TMPRSS7: variants seen among roughly 807,000 people sequenced by gnomAD.
The protein encoded by TMPRSS7 is transmembrane protease serine 7.
In TMPRSS7, 81 loss-of-function variants were observed where a neutral mutation model predicts 95.6. The observed-to-expected ratio is 0.85, with a 90% CI of 0.71 to 1.02. TMPRSS7 has a LOEUF of 1.02. TMPRSS7 is among the 50% of genes least tolerant of loss of function. The probability of loss-of-function intolerance (pLI) is 0.00; values close to 1 mark genes in which losing one functional copy is unlikely to be tolerated. For missense variants in TMPRSS7, 945 were observed against 955.2 expected, an observed-to-expected ratio of 0.99 and a Z score of 0.14; for synonymous variants, 364 against 337.8, an observed-to-expected ratio of 1.08 and a Z score of -0.85.
chr3:112,070,060 T>C (rs1455722341), intron 13 of TMPRSS7, among the ~76,000 whole-genome samples: 2 of 152,238 alleles, frequency 1.3e-5, no homozygotes, highest in Admixed American at 6.5e-5. Context: ...AGAACATCTT[T>C]ATTTCTGCCT....
exon 7 of TMPRSS7, chr3:112,047,791 G>T (rs1321688221): frequency 5.0e-6 from 8 of 1,614,000 alleles, no homozygotes; most frequent in Non-Finnish European, 6.8e-6. Context: ...TCCACTACCC[G>T]CTGGAGATTT....
chr3:112,048,438 C>A lies in TMPRSS7; in HGVS notation c.959+471C>A, dbSNP rs570622748. 6.6e-5 allele frequency among the ~76,000 whole-genome samples: 10 copies of A among 152,214 alleles called. No individual in the cohort carries two copies. In the East Asian group the frequency reaches 7.7e-4, roughly 12 times the overall value. Reference sequence around the variant, plus strand: ...TACTTCACAACCTCATTATTCAGAGCAAATTTCTGTTATATTTTAGCATAA... The same window carrying A: ...TACTTCACAACCTCATTATTCAGAGAAAATTTCTGTTATATTTTAGCATAA... On this transcript the variant is annotated intron_variant, in intron 7 of 17. Coordinates refer to ENST00000452346, the Ensembl canonical transcript of TMPRSS7.
intron 13 of TMPRSS7, among the ~76,000 whole-genome samples, chr3:112,072,427 G>T (rs2073660758): frequency 1.3e-5 from 2 of 152,224 alleles, no homozygotes; most frequent in Non-Finnish European, 2.9e-5. Context: ...CAGGGGTCAG[G>T]GACCCACTTG....
intron 16 of TMPRSS7, among the ~76,000 whole-genome samples, chr3:112,078,420 G>A (rs1237495310): frequency 1.3e-5 from 2 of 152,172 alleles, no homozygotes; most frequent in East Asian, 1.9e-4. Context: ...GTAGATATTA[G>A]TAATAACTGT....
intron 4 of TMPRSS7, among the ~76,000 whole-genome samples, chr3:112,044,727 C>A (rs562786574): frequency 6.0e-4 from 92 of 152,208 alleles, no homozygotes; most frequent in African/African-American, 2.0e-3. Context: ...TAGAAAAAAT[C>A]GTGCACCATA....
intron 11 of TMPRSS7, 127 bp downstream of exon 11, chr3:112,062,050 T>C: frequency 2.2e-6 from 1 of 457,126 alleles, no homozygotes; most frequent in South Asian, 1.1e-4. Context: ...TTTACATACT[T>C]ATTTCTATAA....
exon 16 of TMPRSS7, chr3:112,076,907 C>G: frequency 6.2e-7 from 1 of 1,614,098 alleles, no homozygotes; most frequent in Non-Finnish European, 8.5e-7. Flanking sequence ...GACTGCACAC[C>G]TCGGGATGTA....
At position 112,064,682 on chromosome 3, in the gene TMPRSS7, G is replaced by T. The variant is rs114547839; in HGVS notation, c.1555+1050G>T. Among the ~76,000 whole-genome samples, 478 of 152,230 alleles carry T rather than the reference G, an allele frequency of 3.1e-3. 5 individuals are homozygous for T. The highest frequency in any genetic ancestry group is 0.011 in the African/African-American group (465 of 41,548). ...CCAGCCCCATAAAAGAAAAAGTTTTGTTGTTATTTTTCTAACCTGTACAAT... is the reference window on the plus strand; with the variant it reads ...CCAGCCCCATAAAAGAAAAAGTTTTTTTGTTATTTTTCTAACCTGTACAAT... On this transcript the variant is annotated intron_variant, in intron 12 of 17. Coordinates refer to ENST00000452346, the Ensembl canonical transcript of TMPRSS7.
At chr3:112,077,206 G>C (rs768213637) in intron 16 of TMPRSS7, 62 bp downstream of exon 16, 32 of 1,552,908 alleles carry the variant, frequency 2.1e-5, no homozygotes, top group Non-Finnish European at 2.6e-5. Context: ...TGTTTATGTA[G>C]TGCTTTAGGG....
chr3:112,056,361 T>C (rs1559957536), intron 9 of TMPRSS7, among the ~76,000 whole-genome samples: 1 of 152,210 alleles, frequency 6.6e-6, no homozygotes, highest in African/African-American at 2.4e-5. Flanking sequence ...AAAAATTCCT[T>C]AAATAATTCC....
chr3:112,053,647 A>G (rs569365848), intron 9 of TMPRSS7, among the ~76,000 whole-genome samples: 53 of 152,212 alleles, frequency 3.5e-4, no homozygotes, highest in African/African-American at 1.3e-3. Context: ...GCCCTTCAAA[A>G]CACACCTCTA....
chr3:112,048,478 G>T (rs1356370443), intron 7 of TMPRSS7, among the ~76,000 whole-genome samples: 2 of 152,116 alleles, frequency 1.3e-5, no homozygotes, highest in Non-Finnish European at 2.9e-5. Flanking sequence ...TTTCATTCAT[G>T]TATGTGTAAT....
intron 9 of TMPRSS7, among the ~76,000 whole-genome samples, chr3:112,054,729 CTTTTTTTTT>C (rs1161735611): frequency 2.7e-4 from 13 of 49,024 alleles, no homozygotes; most frequent in East Asian, 2.6e-3. Context: ...TCTCAGTTTG[CTTTTTTTTT>C]TTTTTTTTTT....
At chr3:112,066,406 G>A (rs752251057) in exon 13 of TMPRSS7, 21 of 1,613,866 alleles carry the variant, frequency 1.3e-5, no homozygotes, top group Non-Finnish European at 1.8e-5. Context: ...CCCTCAACCT[G>A]CCTGCAATAC....
chr3:112,034,803 G>T (rs2073140171), upstream of TMPRSS7: 8 of 701,852 alleles, frequency 1.1e-5, no homozygotes. Context: ...GCAAAAACTG[G>T]CTTTGAGACA....
rs760243561 is a variant in TMPRSS7, at chr3:112,077,144, GGT to G, written c.2224+7_2224+8del. The G allele has an allele frequency of 2.5e-6, 4 of 1,613,670 alleles. No individual in the cohort carries two copies. In the East Asian group the frequency reaches 8.9e-5, roughly 36 times the overall value. ...TGGCTGGGGGCGAAGACACGAAGCA[GGT>G]GTGTGTATGAATGAATGGTCATGCC... On this transcript the variant is annotated splice_donor_variant, in intron 16 of 17. Transcript: ENST00000452346. LOFTEE classifies it high-confidence loss of function.
At chr3:112,056,101 G>T (rs914891722) in intron 9 of TMPRSS7, among the ~76,000 whole-genome samples, 1 of 152,128 alleles carries the variant, frequency 6.6e-6, no homozygotes, top group Non-Finnish European at 1.5e-5. Flanking sequence ...GGAATTTTAA[G>T]TCTCTTCATT....
chr3:112,053,068 T>A (rs1250905869), intron 9 of TMPRSS7, among the ~76,000 whole-genome samples: 1 of 152,082 alleles, frequency 6.6e-6, no homozygotes, highest in East Asian at 1.9e-4. Context: ...AGTGTAGAGG[T>A]TAAATAAAAC....
intron 10 of TMPRSS7, among the ~76,000 whole-genome samples, chr3:112,057,523 T>G (rs896433697): frequency 2.6e-5 from 4 of 152,126 alleles, no homozygotes; most frequent in African/African-American, 9.7e-5. Flanking sequence ...CCTGGCTGGA[T>G]CCTGAGACTG....
Sources: allele counts gnomAD v4.1 joint callset (sites outside exome capture counted in the v4.1 genomes callset), GRCh38; gene constraint gnomAD v4.1.1; transcripts MANE v1.5; gene names NCBI Gene and HGNC (gene_info 2026-07-23, HGNC 2026-07-21).